The following DTD1 variants were observed in gnomAD, a reference collection of about 807,000 sequenced individuals.
The protein encoded by DTD1 is D-tyrosyl-tRNA deacylase 1 homolog.
DTD1 carries 13 observed loss-of-function variants against 25.6 expected under a neutral mutation model. The observed-to-expected ratio is 0.51, with a 90% CI of 0.33 to 0.81. The LOEUF (loss-of-function observed/expected upper bound fraction) is 0.81. Among genes scored for constraint, DTD1 ranks in the 30% least tolerant of loss-of-function variants. DTD1 has a pLI of 0.02. For missense variants in DTD1, 193 were observed against 266.4 expected (o/e 0.72, Z 1.92); for synonymous variants, 110 against 103.6 (o/e 1.06, Z -0.37).
intron 4 of DTD1, among the ~76,000 whole-genome samples, chr20:18,683,725 T>G (rs1434436859): frequency 6.6e-6 from 1 of 152,204 alleles, no homozygotes; most frequent in Admixed American, 6.5e-5. Flanking sequence ...GTGACCTTCT[T>G]TGGGGGTAGT....
intron 4 of DTD1, chr20:18,630,251 A>G (rs919157199): frequency 3.9e-5 from 6 of 152,124 alleles, no homozygotes; most frequent in Admixed American, 1.3e-4. Flanking sequence ...CTCTAGTTTC[A>G]ATGTCTACAT....
chr20:18,628,594 T>G (rs1243605011), intron 4 of DTD1, among the ~76,000 whole-genome samples: 1 of 152,200 alleles, frequency 6.6e-6, no homozygotes, highest in African/African-American at 2.4e-5. Flanking sequence ...AATGGTTACC[T>G]GAATTGGGTT....
chr20:18,730,759 T>C (rs1016349506), intron 4 of DTD1, among the ~76,000 whole-genome samples: 1 of 152,372 alleles, frequency 6.6e-6, no homozygotes. Flanking sequence ...TTTATTATTC[T>C]CAAGAGGCTG....
At chr20:18,698,164 T>A (rs961022702) in intron 4 of DTD1, among the ~76,000 whole-genome samples, 1 of 152,260 alleles carries the variant, frequency 6.6e-6, no homozygotes, top group Non-Finnish European at 1.5e-5. Context: ...TAGGATCTGC[T>A]GATGTATATG....
intron 4 of DTD1, among the ~76,000 whole-genome samples, chr20:18,733,020 A>G (rs989801943): frequency 1.3e-5 from 2 of 152,226 alleles, no homozygotes; most frequent in East Asian, 1.9e-4. Flanking sequence ...TAGGTCCCCA[A>G]GTGAAAGGAT....
intron 4 of DTD1, among the ~76,000 whole-genome samples, chr20:18,679,932 T>C (rs1244639773): frequency 2.0e-5 from 3 of 152,182 alleles, no homozygotes; most frequent in East Asian, 3.8e-4. Flanking sequence ...GGAAGACTTT[T>C]ATGGTTCATA....
rs140521270 is a variant in DTD1 at position 18,667,551 on chromosome 20, C to T, written c.477+39318C>T. 4.3e-3 allele frequency among the ~76,000 whole-genome samples: 605 copies of T among 139,934 alleles called. 3 individuals are homozygous for T. Among genetic ancestry groups the T allele is most frequent in the Middle Eastern group, 0.026 (7 of 270 alleles). The allele number at this position is 139,934 out of a possible 152,430, so 91.8% of individuals were successfully genotyped here. ...GATGGCACATGAGAGGGCGTGTGTC[C>T]CTTGAAGGGAAGGTCCCCCCTGGCA... On this transcript the variant is annotated intron_variant, in intron 4 of 5. Coordinates refer to ENST00000377452, the MANE Select transcript of DTD1 (RefSeq NM_080820.6).
chr20:18,616,906 T>A (rs774321990), intron 3 of DTD1, among the ~76,000 whole-genome samples: 22 of 152,242 alleles, frequency 1.4e-4, no homozygotes, highest in Non-Finnish European at 2.6e-4. Context: ...GCTTTGTGAT[T>A]TTGTGCAATG....
intron 3 of DTD1, among the ~76,000 whole-genome samples, chr20:18,622,171 C>G (rs551770953): frequency 5.9e-5 from 9 of 152,138 alleles, no homozygotes; most frequent in Non-Finnish European, 1.3e-4. Flanking sequence ...ACCTATCAAC[C>G]TGTCATCTAG....
intron 3 of DTD1, among the ~76,000 whole-genome samples, chr20:18,609,320 A>ATT (rs921409909): frequency 3.5e-5 from 5 of 143,144 alleles, no homozygotes; most frequent in Non-Finnish European, 6.2e-5. Flanking sequence ...TTTTTTTTGT[A>ATT]TTTTTTTTTT....
At position 18,695,268 on chromosome 20, in the gene DTD1, T is replaced by C. The variant is rs185364107; in HGVS notation, c.478-48832T>C. 3.5e-3 allele frequency among the ~76,000 whole-genome samples: 525 copies of C among 151,916 alleles called. 1 individual carries two copies. The highest frequency in any genetic ancestry group is 0.012 in the African/African-American group (484 of 41,400). The stretch of plus-strand genomic sequence containing the variant: ...GCCTGGGAGAAAATGAGATTGATAC[T>C]GAAGGTCTCTCGTTCAGGTGCACAT... On this transcript the variant is annotated intron_variant, in intron 4 of 5. Transcript: ENST00000377452.
At chr20:18,686,816 GCTATGGCC>G (rs1352239391) in intron 4 of DTD1, among the ~76,000 whole-genome samples, 3 of 152,100 alleles carry the variant, frequency 2.0e-5, no homozygotes, top group African/African-American at 7.2e-5. Flanking sequence ...GCAGACCATG[GCTATGGCC>G]CTACTCAAAG....
At chr20:18,716,698 G>T (rs1248422492) in intron 4 of DTD1, among the ~76,000 whole-genome samples, 1 of 152,162 alleles carries the variant, frequency 6.6e-6, no homozygotes, top group Non-Finnish European at 1.5e-5. Flanking sequence ...GAGGTCAGGG[G>T]TGCCAACTCC....
intron 4 of DTD1, among the ~76,000 whole-genome samples, chr20:18,687,334 G>A (rs1778894504): frequency 6.6e-6 from 1 of 152,132 alleles, no homozygotes; most frequent in African/African-American, 2.4e-5. Flanking sequence ...GGGGTGTCAG[G>A]ACCAGGGACA....
At chr20:18,632,705 G>A in intron 4 of DTD1, 3 of 956,904 alleles carry the variant, frequency 3.1e-6, no homozygotes, top group Non-Finnish European at 3.7e-6. Flanking sequence ...ATAGAAAAAT[G>A]ATTCTTTTAG....
chr20:18,675,815 C>CATATATATGTTGTAAATAT (rs1568665457), intron 4 of DTD1, among the ~76,000 whole-genome samples: 26 of 150,862 alleles, frequency 1.7e-4, no homozygotes, highest in African/African-American at 5.9e-4. Flanking sequence ...TATATTTACA[C>CATATATATGTTGTAAATAT]ACATATATGT....
chr20:18,753,441 C>CTACAAAAAA (rs2061328027), intron 5 of DTD1, among the ~76,000 whole-genome samples: 1 of 151,794 alleles, frequency 6.6e-6, no homozygotes, highest in African/African-American at 2.4e-5. Flanking sequence ...AACCCCGTCT[C>CTACAAAAAA]TACAAAAAAT....
chr20:18,626,081 A>G lies in DTD1; in HGVS notation c.371-2046A>G, dbSNP rs144953236. 2.4e-3 allele frequency among the ~76,000 whole-genome samples: 359 copies of G among 152,274 alleles called. 2 individuals are homozygous for G. The highest frequency in any genetic ancestry group is 2.9e-3 in the Non-Finnish European group (196 of 68,018). On this transcript the variant is annotated intron_variant, in intron 3 of 5. Coordinates refer to ENST00000377452, the MANE Select transcript of DTD1 (RefSeq NM_080820.6). ...AATATTTTTCTGTCCCATCCCTGCA[A>G]TTTGCGCATATACTACCATGGACAG...
chr20:18,737,006 C>T (rs945670643), intron 4 of DTD1, among the ~76,000 whole-genome samples: 7 of 152,324 alleles, frequency 4.6e-5, no homozygotes, highest in Middle Eastern at 6.8e-3. Flanking sequence ...GCTGCCTTGC[C>T]GTGCCGGTCC....
Sources: allele counts gnomAD v4.1 joint callset (sites outside exome capture counted in the v4.1 genomes callset), GRCh38; gene constraint gnomAD v4.1.1; transcripts MANE v1.5; gene names NCBI Gene and HGNC (gene_info 2026-07-23, HGNC 2026-07-21).